Variants in ABCC1 observed in about 807,000 individuals in gnomAD.
The protein encoded by ABCC1 is ATP binding cassette subfamily C member 1 (ABCC1 blood group).
In ABCC1, 83 loss-of-function variants were observed where a neutral mutation model predicts 172.9. That is an observed-to-expected ratio of 0.48 (90% CI 0.40 to 0.58). The LOEUF (loss-of-function observed/expected upper bound fraction) is 0.58. ABCC1 is among the 20% of genes least tolerant of loss of function. ABCC1 has a pLI of 0.00. For missense variants in ABCC1, 1,817 were observed against 2,002.7 expected, an observed-to-expected ratio of 0.91 and a Z score of 1.77; for synonymous variants, 937 against 825.2, an observed-to-expected ratio of 1.14 and a Z score of -2.32.
chr16:15,994,894 G>A (rs2047005169), intron 1 of ABCC1, among the ~76,000 whole-genome samples: 3 of 151,480 alleles, frequency 2.0e-5, no homozygotes, highest in South Asian at 2.1e-4. Flanking sequence ...CTCCCTAGTA[G>A]CTGGGATTAG....
At chr16:16,105,297 T>A (rs1000220084) in intron 20 of ABCC1, 1 of 152,330 alleles carries the variant, frequency 6.6e-6, no homozygotes, top group Non-Finnish European at 1.5e-5. Context: ...TCCTAGGTCA[T>A]GAAGCAGGAA....
At chr16:16,052,121 T>G (rs2049455428) in intron 10 of ABCC1, among the ~76,000 whole-genome samples, 1 of 152,000 alleles carries the variant, frequency 6.6e-6, no homozygotes, top group Non-Finnish European at 1.5e-5. Context: ...CACAGCTACT[T>G]GGGAGGCTGA....
chr16:16,126,501 A>G (rs762068887), intron 26 of ABCC1, among the ~76,000 whole-genome samples: 40 of 152,140 alleles, frequency 2.6e-4, no homozygotes, highest in Non-Finnish European at 4.7e-4. Context: ...CTCCTGCCTC[A>G]GCCTCCCAAA....
At chr16:16,053,411 G>C (rs1040995199) in intron 11 of ABCC1, among the ~76,000 whole-genome samples, 1 of 151,990 alleles carries the variant, frequency 6.6e-6, no homozygotes, top group African/African-American at 2.4e-5. Context: ...GAGCCATCAT[G>C]CCCGGCTTTC....
intron 5 of ABCC1, among the ~76,000 whole-genome samples, chr16:16,028,996 T>G (rs1309063249): frequency 6.6e-6 from 1 of 152,088 alleles, no homozygotes; most frequent in Non-Finnish European, 1.5e-5. Flanking sequence ...CTGATTTAGT[T>G]GGTCTGGGTT....
intron 18 of ABCC1, among the ~76,000 whole-genome samples, chr16:16,087,192 C>A (rs887582583): frequency 2.0e-5 from 3 of 152,112 alleles, no homozygotes; most frequent in Non-Finnish European, 2.9e-5. Flanking sequence ...GTAAGTCCTC[C>A]GCGCAGAGTT....
intron 1 of ABCC1, among the ~76,000 whole-genome samples, chr16:15,964,859 A>G (rs1158275813): frequency 2.6e-5 from 4 of 152,142 alleles, no homozygotes; most frequent in African/African-American, 9.7e-5. Flanking sequence ...GAAGCTATGT[A>G]TCCTGCAACA....
chr16:15,991,454 G>A lies in ABCC1; in HGVS notation c.49-16362G>A, dbSNP rs891151824. 4.6e-5 allele frequency among the ~76,000 whole-genome samples: 7 copies of A among 152,132 alleles called. No homozygotes were observed. The East Asian group carries it at 1.2e-3, about 25-fold the overall frequency. ...TCTGCAAAAGAAGAGTAGCCCCAGC[G>A]AGCTCAGGGTTGAGTGAAGTTCCGC... On this transcript the variant is annotated intron_variant, in intron 1 of 30. Coordinates refer to ENST00000399410, the MANE Select transcript of ABCC1 (RefSeq NM_004996.4).
chr16:16,116,830 G>A (rs1209383447), intron 23 of ABCC1, among the ~76,000 whole-genome samples: 1 of 152,342 alleles, frequency 6.6e-6, no homozygotes, highest in South Asian at 2.1e-4. Context: ...AAAGTGCTGG[G>A]ATTACAGGCA....
upstream of ABCC1, among the ~76,000 whole-genome samples, chr16:15,949,216 G>A (rs924165719): frequency 6.6e-6 from 1 of 152,098 alleles, no homozygotes; most frequent in South Asian, 2.1e-4. Flanking sequence ...GACTTTACAG[G>A]ATGAAATGAG....
At chr16:15,987,967 T>G (rs2046779150) in intron 1 of ABCC1, among the ~76,000 whole-genome samples, 1 of 152,182 alleles carries the variant, frequency 6.6e-6, no homozygotes, top group Admixed American at 6.5e-5. Context: ...TGTTTATTTA[T>G]TTTTAATTGA....
intron 18 of ABCC1, among the ~76,000 whole-genome samples, chr16:16,088,391 G>A (rs1005760051): frequency 4.6e-5 from 7 of 152,318 alleles, no homozygotes; most frequent in Admixed American, 1.3e-4. Flanking sequence ...GTTGCAGTGA[G>A]CTGAGATTGC....
rs757957863 is a variant in ABCC1 at position 16,049,809 on chromosome 16, G to A, written c.1380+1506G>A. ...AGCAATTCTCCTACCTCAGTCTCCC[G>A]AGTAGCTGGGACTACAGGCTTACAC... On this transcript the variant is annotated intron_variant, in intron 10 of 30. Coordinates refer to ENST00000399410, the MANE Select transcript of ABCC1 (RefSeq NM_004996.4). 5.5e-4 allele frequency among the ~76,000 whole-genome samples: 84 copies of A among 151,950 alleles called. 1 individual carries two copies. The highest frequency in any genetic ancestry group is 9.3e-4 in the Non-Finnish European group (63 of 67,978).
chr16:16,132,195 T>C (rs1035853423), intron 27 of ABCC1, among the ~76,000 whole-genome samples: 3 of 151,862 alleles, frequency 2.0e-5, no homozygotes, highest in African/African-American at 7.3e-5. Flanking sequence ...GAAGATTTTT[T>C]GTTGTTGTTG....
intron 23 of ABCC1, among the ~76,000 whole-genome samples, chr16:16,116,440 C>G (rs1027874478): frequency 6.6e-6 from 1 of 151,982 alleles, no homozygotes; most frequent in African/African-American, 2.4e-5. Context: ...ACATACATAC[C>G]TATGATAAAG....
At chr16:16,026,380 G>C (rs1379148139) in intron 5 of ABCC1, among the ~76,000 whole-genome samples, 1 of 141,506 alleles carries the variant, frequency 7.1e-6, no homozygotes, top group Admixed American at 7.3e-5. Context: ...GCTGCAGTGA[G>C]CTGAGAACGC....
chr16:16,008,975 AGGTGTT>A (rs1315510523), intron 2 of ABCC1, among the ~76,000 whole-genome samples: 2 of 149,156 alleles, frequency 1.3e-5, no homozygotes, highest in African/African-American at 2.5e-5. Flanking sequence ...TTTTGACACA[AGGTGTT>A]GCTCTTTTGC....
chr16:16,028,362 G>A (rs1419126449), intron 5 of ABCC1, among the ~76,000 whole-genome samples: 2 of 152,070 alleles, frequency 1.3e-5, no homozygotes, highest in African/African-American at 4.8e-5. Flanking sequence ...TTGCAGCTCC[G>A]TCCGCGGCAC....
Position 15,949,792 on chromosome 16 carries a change from C to G in ABCC1, c.41C>G (p.Pro14Arg), listed in dbSNP as rs2045821860. 8.4e-7 allele frequency: 1 copy of G among 1,195,642 alleles called. No homozygotes were observed. Among genetic ancestry groups the G allele is most frequent in the Non-Finnish European group, 1.0e-6 (1 of 964,606 alleles). The allele number at this position is 1,195,642 out of a possible 1,614,324, so 74.1% of individuals were successfully genotyped here. A position where few individuals can be genotyped will look rare whatever the true frequency, so the allele number is the denominator to read the frequency against. The change falls in exon 1 of 31, where the codon CCG becomes CGG. Residue 14 changes from proline (P) to arginine (R), a missense_variant. Physicochemically the swap from Pro to Arg is moderately radical, Grantham distance 103 (BLOSUM62 -2). Around this residue, in one of 3 missense-constraint regions of ABCC1, gnomAD observed 398 missense variants for 384.2 expected, o/e 1.04. Coordinates refer to ENST00000399410, the MANE Select transcript of ABCC1 (RefSeq NM_004996.4). ...TTCTGCAGCGCCGATGGCTCCGACC[C>G]GCTCTGGGTACGTGCCGGGGGCCGC... is the stretch of plus-strand genomic sequence containing the variant. Reference protein sequence around the residue: ...RGFCSADGSDPLWDWNVTWNT... With the variant: ...RGFCSADGSDRLWDWNVTWNT...
Sources: gnomAD v4.1 joint callset for allele counts (sites outside exome capture counted in the v4.1 genomes callset) on GRCh38, gnomAD v4.1.1 for gene constraint, gnomAD v4.1.1 regional missense constraint, MANE v1.5 for transcripts, NCBI Gene and HGNC (gene_info 2026-07-23, HGNC 2026-07-21) for gene names.